LRP1B: variants seen among roughly 807,000 people sequenced by gnomAD.
LRP1B encodes LDL receptor related protein 1B, also known as low-density lipoprotein receptor-related protein 1B.
A neutral mutation model predicts 556.6 loss-of-function variants in LRP1B; 217 were observed. The observed-to-expected ratio is 0.39, with a 90% CI of 0.35 to 0.44. The LOEUF is 0.44. LRP1B is among the 20% of genes least tolerant of loss of function. LRP1B has a pLI of 1.00. For synonymous variants in LRP1B, 2,047 were observed against 1,865.8 expected, an observed-to-expected ratio of 1.10 and a Z score of -2.50; for missense variants, 5,053 against 5,620.8, an observed-to-expected ratio of 0.90 and a Z score of 3.23.
At chr2:141,789,191 G>A (rs938331022) in intron 2 of LRP1B, among the ~76,000 whole-genome samples, 5 of 151,862 alleles carry the variant, frequency 3.3e-5, no homozygotes, top group African/African-American at 1.2e-4. Context: ...TACGGCTTCT[G>A]GATAAGGATT....
At chr2:141,227,247 GTTC>G (rs1484095714) in intron 6 of LRP1B, among the ~76,000 whole-genome samples, 1 of 152,108 alleles carries the variant, frequency 6.6e-6, no homozygotes, top group African/African-American at 2.4e-5. Context: ...TAGATAAAAA[GTTC>G]TTAAGTACGC....
chr2:140,274,725 T>A (rs1447452159), intron 84 of LRP1B, 127 bp from the exon 85 acceptor site: 3 of 700,156 alleles, frequency 4.3e-6, no homozygotes, highest in Non-Finnish European at 6.9e-6. Flanking sequence ...AAAAGCAGCT[T>A]ATAATTACAC....
intron 83 of LRP1B, among the ~76,000 whole-genome samples, chr2:140,304,057 C>T (rs577493136): frequency 7.4e-4 from 113 of 152,236 alleles, no homozygotes; most frequent in African/African-American, 2.4e-3. Context: ...TCCAGTCTAT[C>T]GTTGATGGAC....
At chr2:140,851,937 C>T (rs1692471806) in intron 27 of LRP1B, among the ~76,000 whole-genome samples, 154 bp from the exon 28 acceptor site, 1 of 152,176 alleles carries the variant, frequency 6.6e-6, no homozygotes, top group Non-Finnish European at 1.5e-5. Flanking sequence ...AATAGACAAT[C>T]ATACACAGCA....
At chr2:140,442,420 T>C in intron 66 of LRP1B, 84 bp downstream of exon 66, 3 of 1,502,248 alleles carry the variant, frequency 2.0e-6, no homozygotes, top group Non-Finnish European at 2.7e-6. Flanking sequence ...TTCAAAAGAA[T>C]TGTGTTCAAA....
chr2:141,278,596 A>T (rs1208507878), intron 3 of LRP1B, among the ~76,000 whole-genome samples: 1 of 152,182 alleles, frequency 6.6e-6, no homozygotes, highest in Admixed American at 6.5e-5. Flanking sequence ...CACTATGGCT[A>T]AAATGATGAG....
chr2:141,911,429 C>T (rs1299926217), intron 1 of LRP1B, among the ~76,000 whole-genome samples: 1 of 152,162 alleles, frequency 6.6e-6, no homozygotes, highest in African/African-American at 2.4e-5. Context: ...ATACTGACCC[C>T]TACCTAGTTT....
At position 140,442,627 on chromosome 2, in the gene LRP1B, A is replaced by G. The variant is rs761257308; in HGVS notation, c.10295-4T>C. On this transcript the variant is annotated splice_polypyrimidine_tract_variant and splice_region_variant and intron_variant, in intron 65 of 90. Transcript: ENST00000389484. ...TCTGGAGAACAGCTGTTTTCAGCTT[A>G]GAAAGAAAACTGCCATTAAAATGTA... is the stretch of plus-strand genomic sequence containing the variant. 1.9e-6 allele frequency: 3 copies of G among 1,611,872 alleles called. No individual in the cohort carries two copies. The highest frequency in any genetic ancestry group is 2.5e-6 in the Non-Finnish European group (3 of 1,179,340).
intron 84 of LRP1B, among the ~76,000 whole-genome samples, chr2:140,281,320 A>G (rs1682903997): frequency 6.6e-6 from 1 of 151,956 alleles, no homozygotes; most frequent in Non-Finnish European, 1.5e-5. Flanking sequence ...TTCTATAGAA[A>G]AGTAATTGCC....
At chr2:140,924,798 T>TGC (rs1694840122) in intron 20 of LRP1B, among the ~76,000 whole-genome samples, 1 of 152,108 alleles carries the variant, frequency 6.6e-6, no homozygotes, top group Admixed American at 6.6e-5. Context: ...ATACTTGGTT[T>TGC]GCACACACAC....
chr2:141,614,285 T>C lies in LRP1B; in HGVS notation c.206-133752A>G, dbSNP rs956868239. Among the ~76,000 whole-genome samples, 29 of 152,194 alleles carry C rather than the reference T, an allele frequency of 1.9e-4. No individual in the cohort carries two copies. The South Asian group carries it at 6.0e-3, about 32-fold the overall frequency. On this transcript the variant is annotated intron_variant, in intron 2 of 90. Transcript: ENST00000389484. The stretch of plus-strand genomic sequence containing the variant: ...CACACTTTGAAAAATTCCATTTCAC[T>C]GCAAGTTTTCCTGTAAAATGAGAAT...
chr2:140,299,266 A>G (rs535852951), intron 83 of LRP1B, among the ~76,000 whole-genome samples: 1 of 152,210 alleles, frequency 6.6e-6, no homozygotes, highest in South Asian at 2.1e-4. Context: ...TAAAATTCAT[A>G]TACATTTTTA....
intron 1 of LRP1B, among the ~76,000 whole-genome samples, chr2:142,126,679 A>G (rs1349223): frequency 0.41 from 61,716 of 151,680 alleles, 15,068 homozygotes; most frequent in African/African-American, 0.69. Context: ...TTTTTACTAC[A>G]CAGAATTCCT....
intron 31 of LRP1B, among the ~76,000 whole-genome samples, chr2:140,825,431 T>G (rs1691468747): frequency 6.6e-6 from 1 of 152,144 alleles, no homozygotes. Context: ...GAAGTCCTTT[T>G]TTTTTTTAGT....
At chr2:141,435,440 C>T (rs527654416) in intron 3 of LRP1B, among the ~76,000 whole-genome samples, 7 of 152,082 alleles carry the variant, frequency 4.6e-5, no homozygotes, top group African/African-American at 7.2e-5. Flanking sequence ...CTTTTAATTG[C>T]TCTCCACCAA....
chr2:140,342,244 T>C (rs1047978509), intron 77 of LRP1B, among the ~76,000 whole-genome samples: 1 of 145,754 alleles, frequency 6.9e-6, no homozygotes, highest in Non-Finnish European at 1.5e-5. Flanking sequence ...AATATATAAC[T>C]AGCAAAAAAA....
chr2:140,450,791 T>C, intron 62 of LRP1B, 130 bp from the exon 63 acceptor site: 1 of 618,930 alleles, frequency 1.6e-6, no homozygotes, highest in Non-Finnish European at 2.8e-6. Context: ...TTTTGGAAAA[T>C]TCCACAATAG....
chr2:141,449,672 A>T (rs1681338769), intron 3 of LRP1B, among the ~76,000 whole-genome samples: 1 of 152,242 alleles, frequency 6.6e-6, no homozygotes, highest in Non-Finnish European at 1.5e-5. Flanking sequence ...TTAATTATGA[A>T]ATATCACATA....
intron 1 of LRP1B, among the ~76,000 whole-genome samples, chr2:142,109,492 A>T (rs1483636818): frequency 6.6e-6 from 1 of 152,236 alleles, no homozygotes; most frequent in African/African-American, 2.4e-5. Context: ...AAGAAAATGT[A>T]AGAGCAAAAA....
Sources: allele counts gnomAD v4.1 joint callset (sites outside exome capture counted in the v4.1 genomes callset), GRCh38; gene constraint gnomAD v4.1.1; transcripts MANE v1.5; gene names NCBI Gene and HGNC (gene_info 2026-07-23, HGNC 2026-07-21).